ZC3HAV1: variants seen among roughly 807,000 people sequenced by gnomAD.
ZC3HAV1 encodes the protein zinc finger CCCH-type antiviral protein 1.
In ZC3HAV1, 41 loss-of-function variants were observed where a neutral mutation model predicts 86.6. The ratio of observed to expected loss-of-function variants is 0.47; its 90% CI spans 0.37 to 0.61. The LOEUF is 0.61. Among genes scored for constraint, ZC3HAV1 ranks in the 20% least tolerant of loss-of-function variants. The pLI is 0.00. For synonymous variants in ZC3HAV1, 421 were observed against 432.1 expected (o/e 0.97, Z 0.32); for missense variants, 964 against 1,141.1 (o/e 0.84, Z 2.24).
At chr7:139,081,714 T>C (rs1817132841) in intron 3 of ZC3HAV1, among the ~76,000 whole-genome samples, 1 of 152,232 alleles carries the variant, frequency 6.6e-6, no homozygotes, top group African/African-American at 2.4e-5. Context: ...CCCTCTTAAG[T>C]AAGGCTAAAA....
chr7:139,101,484 G>T (rs577364742), intron 1 of ZC3HAV1, among the ~76,000 whole-genome samples: 14 of 103,834 alleles, frequency 1.3e-4, no homozygotes, highest in Non-Finnish European at 1.9e-4. Context: ...GAGCGCCTCA[G>T]CCCGGCCACC....
chr7:139,046,952 T>C lies in ZC3HAV1; in HGVS notation c.*642A>G, dbSNP rs1815971493. On this transcript the variant is annotated 3_prime_UTR_variant, in exon 13 of 13. Transcript: ENST00000242351. ...GAAAGGTTGCTGCAATTACAGAAAA[T>C]TTAGAAATCAGCCTTTACCAGTTAC... 1 of 152,060 alleles carries C rather than the reference T, an allele frequency of 6.6e-6. No individual in the cohort carries two copies. The highest frequency in any genetic ancestry group is 1.5e-5 in the Non-Finnish European group (1 of 68,040). The allele number at this position is 152,060 out of a possible 1,614,324, so 9.4% of individuals were successfully genotyped here.
At chr7:139,093,738 C>G (rs1416080207) in intron 1 of ZC3HAV1, among the ~76,000 whole-genome samples, 1 of 152,146 alleles carries the variant, frequency 6.6e-6, no homozygotes, top group East Asian at 1.9e-4. Flanking sequence ...GGACTCAGCC[C>G]GCCTGCATCC....
At chr7:139,065,199 A>G (rs921097486) in intron 7 of ZC3HAV1, among the ~76,000 whole-genome samples, 200 bp from the exon 8 acceptor site, 2 of 152,190 alleles carry the variant, frequency 1.3e-5, no homozygotes, top group African/African-American at 2.4e-5. Flanking sequence ...AGAGAAGTCT[A>G]TCCTGCAGAA....
chr7:139,077,542 C>T (rs76547821), intron 5 of ZC3HAV1, among the ~76,000 whole-genome samples: 3,903 of 152,290 alleles, frequency 0.026, 172 homozygotes, highest in African/African-American at 0.089. Flanking sequence ...CCATGCCTGG[C>T]ATTTTATGGA....
chr7:139,105,049 AAAAAG>A (rs1817894015), intron 1 of ZC3HAV1, among the ~76,000 whole-genome samples: 2 of 150,892 alleles, frequency 1.3e-5, no homozygotes, highest in African/African-American at 2.4e-5. Context: ...AAAAAAAAAA[AAAAAG>A]AAAAGAAAAG....
At chr7:139,051,725 C>T (rs768517399) in intron 12 of ZC3HAV1, among the ~76,000 whole-genome samples, 49 of 152,312 alleles carry the variant, frequency 3.2e-4, no homozygotes, top group Non-Finnish European at 4.7e-4. Flanking sequence ...TGCCTGGCCA[C>T]AGTCATTTAA....
chr7:139,086,316 T>C (rs958258094), intron 2 of ZC3HAV1, among the ~76,000 whole-genome samples: 12 of 152,142 alleles, frequency 7.9e-5, no homozygotes, highest in Admixed American at 7.9e-4. Context: ...CAGTCCCCCA[T>C]TCTGGGATCT....
At chr7:139,057,119 C>T (rs111890315) in intron 9 of ZC3HAV1, among the ~76,000 whole-genome samples, 1 of 151,524 alleles carries the variant, frequency 6.6e-6, no homozygotes, top group South Asian at 2.1e-4. Flanking sequence ...GAGGCCGAAG[C>T]AGGAGGATTG....
intron 1 of ZC3HAV1, among the ~76,000 whole-genome samples, chr7:139,097,412 ATATATATATATATATATTTTTT>A (rs1490123599): frequency 2.7e-5 from 2 of 74,390 alleles, no homozygotes; most frequent in Non-Finnish European, 4.7e-5. Flanking sequence ...ATATATATAT[ATATATATATATATATATTTTTT>A]TTTTTTTTTT....
chr7:139,050,312 A>T (rs918397686), intron 12 of ZC3HAV1, among the ~76,000 whole-genome samples: 6 of 151,954 alleles, frequency 3.9e-5, no homozygotes, highest in African/African-American at 1.5e-4. Flanking sequence ...TTCTTTTTTT[A>T]AAATTCCCTT....
intron 9 of ZC3HAV1, among the ~76,000 whole-genome samples, chr7:139,056,418 T>TTCTTTTC: frequency 7.6e-6 from 1 of 131,406 alleles, no homozygotes; most frequent in South Asian, 2.3e-4. Context: ...TTCTTTTCTT[T>TTCTTTTC]TTTTTTTTTT....
chr7:139,092,464 T>G (rs1817464501), intron 1 of ZC3HAV1, among the ~76,000 whole-genome samples: 1 of 152,246 alleles, frequency 6.6e-6, no homozygotes, highest in Non-Finnish European at 1.5e-5. Context: ...GAATCTTTGC[T>G]TCCACTTTAG....
Position 139,108,980 on chromosome 7 carries a change from C to T in ZC3HAV1, c.308+44G>A. ...CATTGCCCGCCTGGACAGTCCACCC[C>T]GACCACGGCTGCGGACAGCGCCCCT... On this transcript the variant is annotated intron_variant, in intron 1 of 12. Transcript: ENST00000242351. This position sits in a 1 kb window ranked among gnomAD's most constrained non-coding sequence, Gnocchi z 4.2. 3.3e-6 allele frequency: 5 copies of T among 1,500,894 alleles called. No individual in the cohort carries two copies. The highest frequency in any genetic ancestry group is 4.5e-6 in the Non-Finnish European group (5 of 1,115,346). 93.0% of individuals were successfully genotyped at this position (1,500,894 alleles called of 1,614,324 possible). A position where few individuals can be genotyped will look rare whatever the true frequency, so the allele number is the denominator to read the frequency against.
intron 6 of ZC3HAV1, among the ~76,000 whole-genome samples, 174 bp downstream of exon 6, chr7:139,076,112 G>T (rs1816933350): frequency 6.6e-6 from 1 of 152,188 alleles, no homozygotes; most frequent in Admixed American, 6.5e-5. Flanking sequence ...CCCAGCTGTG[G>T]TTTTCCTTCA....
chr7:139,105,182 TC>T (rs1415261737), intron 1 of ZC3HAV1, among the ~76,000 whole-genome samples: 1 of 152,144 alleles, frequency 6.6e-6, no homozygotes, highest in African/African-American at 2.4e-5. Flanking sequence ...CCACTGCACT[TC>T]AGTCTGGGTG....
At chr7:139,048,341 C>A (rs541769714) in intron 12 of ZC3HAV1, among the ~76,000 whole-genome samples, 90 of 152,282 alleles carry the variant, frequency 5.9e-4, no homozygotes, top group African/African-American at 2.1e-3. Context: ...TGCAGTGGCT[C>A]ATGTCTGTAA....
chr7:139,089,907 A>G, intron 1 of ZC3HAV1, 148 bp from the exon 2 acceptor site: 1 of 760,788 alleles, frequency 1.3e-6, no homozygotes, highest in South Asian at 3.8e-5. Context: ...AATACACTAT[A>G]TTTATTTATT....
intron 1 of ZC3HAV1, among the ~76,000 whole-genome samples, chr7:139,107,112 C>G (rs977757837): frequency 1.3e-5 from 2 of 152,102 alleles, no homozygotes; most frequent in Non-Finnish European, 1.5e-5. Flanking sequence ...CATAACAAAG[C>G]CTTCCAACCA....
Sources: allele counts gnomAD v4.1 joint callset (sites outside exome capture counted in the v4.1 genomes callset), GRCh38; gene constraint gnomAD v4.1.1; non-coding constraint Gnocchi (gnomAD v3.1); transcripts MANE v1.5; gene names NCBI Gene and HGNC (gene_info 2026-07-23, HGNC 2026-07-21).